The following OCA2 variants were observed in gnomAD, a reference collection of about 807,000 sequenced individuals.
The protein encoded by OCA2 is OCA2 melanosomal transmembrane protein, also known as P protein.
A neutral mutation model predicts 100.2 loss-of-function variants in OCA2; 77 were observed. The ratio of observed to expected loss-of-function variants is 0.77; its 90% confidence interval spans 0.64 to 0.93. OCA2 has a LOEUF of 0.93. OCA2 is among the 40% of genes least tolerant of loss of function. OCA2 has a pLI of 0.00. For synonymous variants in OCA2, 432 were observed against 439.2 expected (o/e 0.98, Z 0.21); for missense variants, 1,062 against 1,089.1 (o/e 0.98, Z 0.35).
At chr15:27,958,637 T>A (rs992667567) in intron 15 of OCA2, among the ~76,000 whole-genome samples, 4 of 152,196 alleles carry the variant, frequency 2.6e-5, no homozygotes, top group Admixed American at 2.6e-4. Flanking sequence ...AGAGAGGAAA[T>A]GATGTGTCAA....
chr15:27,744,417 G>C, the OCA2 span, among the ~76,000 whole-genome samples: 1 of 152,178 alleles, frequency 6.6e-6, no homozygotes, highest in Non-Finnish European at 1.5e-5. Flanking sequence ...ACGAGATGGA[G>C]GGAAAGCCAG....
At chr15:27,799,572 C>A (rs2033499962) in intron 23 of OCA2, among the ~76,000 whole-genome samples, 1 of 151,902 alleles carries the variant, frequency 6.6e-6, no homozygotes, top group Non-Finnish European at 1.5e-5. Context: ...TCGTGAAATC[C>A]CATCTCTACT....
At chr15:27,771,699 T>A in intron 23 of OCA2, among the ~76,000 whole-genome samples, 1 of 152,258 alleles carries the variant, frequency 6.6e-6, no homozygotes, top group South Asian at 2.1e-4. Flanking sequence ...ATCTGTATTT[T>A]TTTTATCAGC....
chr15:27,732,484 G>A, the OCA2 span, among the ~76,000 whole-genome samples: 1 of 152,150 alleles, frequency 6.6e-6, no homozygotes, highest in Non-Finnish European at 1.5e-5. Flanking sequence ...GGATGGTAGG[G>A]GCTGCCAGCA....
intron 9 of OCA2, among the ~76,000 whole-genome samples, chr15:28,000,652 A>G (rs1409960056): frequency 2.6e-5 from 4 of 152,222 alleles, no homozygotes; most frequent in Non-Finnish European, 5.9e-5. Context: ...ACAGCAAAGG[A>G]AACAAACAAC....
At chr15:27,790,522 T>A (rs1595414455) in intron 23 of OCA2, among the ~76,000 whole-genome samples, 2 of 152,110 alleles carry the variant, frequency 1.3e-5, no homozygotes, top group Admixed American at 1.3e-4. Flanking sequence ...TTATGGTAGG[T>A]GGAGGAAACT....
intron 19 of OCA2, among the ~76,000 whole-genome samples, chr15:27,912,208 C>T (rs182931043): frequency 6.6e-6 from 1 of 152,156 alleles, no homozygotes; most frequent in Admixed American, 6.5e-5. Context: ...GGTATACAAA[C>T]ACATATGCCC....
chr15:27,896,534 A>G (rs1350131737), intron 19 of OCA2: 1 of 463,696 alleles, frequency 2.2e-6, no homozygotes, highest in Non-Finnish European at 4.0e-6. Context: ...GAGTAGCTCA[A>G]AAGAATGCAA....
At chr15:27,882,805 C>T (rs551987792) in intron 19 of OCA2, among the ~76,000 whole-genome samples, 7 of 152,322 alleles carry the variant, frequency 4.6e-5, no homozygotes, top group African/African-American at 9.6e-5. Flanking sequence ...CTGTATCACA[C>T]GTGTATCATC....
chr15:27,880,199 C>T (rs2036958290), intron 19 of OCA2, among the ~76,000 whole-genome samples: 4 of 152,054 alleles, frequency 2.6e-5, no homozygotes, highest in Admixed American at 2.6e-4. Context: ...CTATTCTGTT[C>T]CATTGGTCTA....
intron 19 of OCA2, among the ~76,000 whole-genome samples, chr15:27,887,609 C>T (rs115390496): frequency 0.017 from 2,243 of 135,306 alleles, 51 homozygotes; most frequent in African/African-American, 0.054. Flanking sequence ...TGTAAGTCCA[C>T]TAAACCTCTT....
rs779597201 is a variant in OCA2, at chr15:27,957,369, G to A, written c.1784+219C>T. Among the ~76,000 whole-genome samples, 149 of 152,296 alleles carry A rather than the reference G, an allele frequency of 9.8e-4. No homozygotes were observed. Among genetic ancestry groups the A allele is most frequent in the Non-Finnish European group, 1.5e-3 (105 of 68,030 alleles). On this transcript the variant is annotated intron_variant, in intron 16 of 23. Transcript: ENST00000354638. The surrounding 1 kb of genome is among the most constrained non-coding windows in gnomAD (Gnocchi z 4.3). Reference sequence around the variant, plus strand: ...CCTGGGCACGCCGCTCAAATTCTCTGAGCCTCTGGTTTTGTGTTGTTTCTT... The same window carrying A: ...CCTGGGCACGCCGCTCAAATTCTCTAAGCCTCTGGTTTTGTGTTGTTTCTT...
chr15:28,027,034 C>A (rs1165329307), intron 4 of OCA2, among the ~76,000 whole-genome samples: 1 of 152,222 alleles, frequency 6.6e-6, no homozygotes, highest in Non-Finnish European at 1.5e-5. Context: ...TGGAAGCCCA[C>A]TGGTCCCGGC....
the OCA2 span, among the ~76,000 whole-genome samples, chr15:27,721,760 T>A: frequency 1.3e-5 from 2 of 152,230 alleles, no homozygotes; most frequent in South Asian, 2.1e-4. Flanking sequence ...ATGACAAAAA[T>A]TTTATTTATT....
chr15:27,783,197 G>T (rs531036162), intron 23 of OCA2, among the ~76,000 whole-genome samples: 1 of 152,122 alleles, frequency 6.6e-6, no homozygotes, highest in East Asian at 1.9e-4. Context: ...GGGATTCTGG[G>T]GACCCCAAGC....
chr15:28,008,178 A>T (rs1193072007), intron 9 of OCA2, among the ~76,000 whole-genome samples: 4 of 152,250 alleles, frequency 2.6e-5, no homozygotes, highest in African/African-American at 9.6e-5. Context: ...AAAGTAGAGT[A>T]GAGTTTCCTC....
At chr15:27,745,596 T>A in the OCA2 span, among the ~76,000 whole-genome samples, 1 of 152,190 alleles carries the variant, frequency 6.6e-6, no homozygotes, top group Admixed American at 6.5e-5. Context: ...TCTGACACTT[T>A]GAAATATTTT....
Position 27,852,047 on chromosome 15 carries a change from C to T in OCA2, c.2245-572G>A, listed in dbSNP as rs180849036. Among the ~76,000 whole-genome samples the T allele has an allele frequency of 4.6e-5, 7 of 152,334 alleles. No homozygotes were observed. In the East Asian group the frequency reaches 1.4e-3, roughly 29 times the overall value. On this transcript the variant is annotated intron_variant, in intron 21 of 23. Transcript: ENST00000354638. The stretch of plus-strand genomic sequence containing the variant: ...GGCACCCTGAGCCTGCTAACATTCA[C>T]AGCATGACATCAGGTACCAGATTCT...
intron 23 of OCA2, among the ~76,000 whole-genome samples, chr15:27,824,600 CTCTATATATA>C (rs1012134539): frequency 7.8e-5 from 3 of 38,512 alleles, no homozygotes; most frequent in African/African-American, 7.1e-4. Flanking sequence ...CTCTCTCTCT[CTCTATATATA>C]TATATATATA....
Sources: gnomAD v4.1 joint callset for allele counts (sites outside exome capture counted in the v4.1 genomes callset) on GRCh38, gnomAD v4.1.1 for gene constraint, Gnocchi (gnomAD v3.1) non-coding constraint, MANE v1.5 for transcripts, NCBI Gene and HGNC (gene_info 2026-07-23, HGNC 2026-07-21) for gene names.